The following PHF20L1 variants were observed in gnomAD, a reference collection of about 807,000 sequenced individuals.
PHF20L1 encodes PHD finger protein 20 like 1.
A neutral mutation model predicts 125.5 loss-of-function variants in PHF20L1; 44 were observed. The ratio of observed to expected loss-of-function variants is 0.35; its 90% CI spans 0.28 to 0.45. The LOEUF is 0.45. Among genes scored for constraint, PHF20L1 ranks in the 20% least tolerant of loss-of-function variants. The pLI is 1.00. For missense variants in PHF20L1, 1,012 were observed against 1,217.2 expected (o/e 0.83, Z 2.51); for synonymous variants, 380 against 403.1 (o/e 0.94, Z 0.69).
In PHF20L1 at chr8:132,842,664, C is replaced by T. The variant is rs371809032; in HGVS notation, c.2537C>T (p.Pro846Leu). ...KKYVQNHKEP[P>L]RLPLKMEGTY... ...TATGTACAGAACCATAAAGAACCAC[C>T]TCGTTTGCCCCTAAAAATGGAAGGA... Residue 846 changes from proline (P) to leucine (L), a missense_variant, in exon 19 of 21, where the codon CCT becomes CTT. By Grantham distance (98) the Pro-to-Leu change is moderately conservative. Coordinates refer to ENST00000395386, the MANE Select transcript of PHF20L1 (RefSeq NM_016018.5). The T allele has an allele frequency of 6.2e-7, 1 of 1,613,052 alleles. No homozygotes were observed. The highest frequency in any genetic ancestry group is 8.5e-7 in the Non-Finnish European group (1 of 1,179,572).
In PHF20L1 at chr8:132,832,269, T is replaced by C. The variant is rs1433707419; in HGVS notation, c.1779T>C (p.Phe593=). 6.2e-7 allele frequency: 1 copy of C among 1,603,714 alleles called. No homozygotes were observed. Among genetic ancestry groups the C allele is most frequent in the South Asian group, 1.1e-5 (1 of 90,810 alleles). The part of the protein sequence containing the change: ...YSDYEDSSLE[F]LERCSSPLTR... ...ACTATGAAGACAGTTCCCTCGAATT[T>C]TTGGAAAGGTGCTCTTCTCCACTAA... is the stretch of plus-strand genomic sequence containing the variant. Residue 593 remains phenylalanine, a synonymous_variant, in exon 15 of 21, where the codon TTT becomes TTC. Transcript: ENST00000395386.
chr8:132,785,911 A>G (rs1445671350), intron 2 of PHF20L1, among the ~76,000 whole-genome samples: 1 of 152,116 alleles, frequency 6.6e-6, no homozygotes, highest in Non-Finnish European at 1.5e-5. Context: ...GTGTATCTAC[A>G]AGGCCTTAAC....
At position 132,843,849 on chromosome 8, in the gene PHF20L1, AAATT is replaced by A. The variant is rs529105301; in HGVS notation, c.2749-303_2749-300del. 1.1e-3 allele frequency: 1,106 copies of A among 985,152 alleles called. 1 individual carries two copies. The highest frequency in any genetic ancestry group is 1.4e-3 in the Admixed American group (23 of 16,250). The allele number at this position is 985,152 out of a possible 1,614,324, so 61.0% of individuals were successfully genotyped here. A position where few individuals can be genotyped will look rare whatever the true frequency, so the allele number is the denominator to read the frequency against. ...GATTAATTGAGGAAGAGGCCAGTCT[AAATT>A]AATCAGGAATTCTAATTACACAATA... On this transcript the variant is annotated intron_variant, in intron 19 of 20. Transcript: ENST00000395386.
Position 132,848,426 on chromosome 8 carries a change from A to T in PHF20L1, c.*2503A>T, listed in dbSNP as rs1390089176. The T allele has an allele frequency of 6.6e-6, 1 of 152,552 alleles. No individual in the cohort carries two copies. The highest frequency in any genetic ancestry group is 1.5e-5 in the Non-Finnish European group (1 of 67,972). 9.4% of individuals were successfully genotyped at this position (152,552 alleles called of 1,614,324 possible). A position where few individuals can be genotyped will look rare whatever the true frequency, so the allele number is the denominator to read the frequency against. On this transcript the variant is annotated 3_prime_UTR_variant, in exon 21 of 21. Transcript: ENST00000395386. ...TCTATTGTGAAAAGTTTCAGATGAGATTATTTTCTTTTAGTCTTTTTAAAT... is the reference window on the plus strand; with the variant it reads ...TCTATTGTGAAAAGTTTCAGATGAGTTTATTTTCTTTTAGTCTTTTTAAAT...
intron 2 of PHF20L1, among the ~76,000 whole-genome samples, chr8:132,783,800 T>C (rs1337089052): frequency 6.6e-6 from 1 of 152,202 alleles, no homozygotes; most frequent in Non-Finnish European, 1.5e-5. Flanking sequence ...GTTGTATGTA[T>C]ACATCAAAAT....
At chr8:132,828,225 T>TA (rs1275622763) in intron 14 of PHF20L1, among the ~76,000 whole-genome samples, 1 of 152,024 alleles carries the variant, frequency 6.6e-6, no homozygotes, top group Non-Finnish European at 1.5e-5. Flanking sequence ...TGCTGGTACT[T>TA]ATGTACCCAA....
At chr8:132,781,573 C>T (rs1008624673) in intron 2 of PHF20L1, among the ~76,000 whole-genome samples, 2 of 151,982 alleles carry the variant, frequency 1.3e-5, no homozygotes, top group African/African-American at 2.4e-5. Flanking sequence ...GGACTACAGG[C>T]GCACGCCACC....
intron 6 of PHF20L1, among the ~76,000 whole-genome samples, chr8:132,801,080 T>G (rs1002004869): frequency 7.9e-5 from 12 of 151,702 alleles, no homozygotes; most frequent in African/African-American, 1.2e-4. Context: ...TTGTTCCTTC[T>G]GGTTTTCTAC....
At chr8:132,819,609 A>G (rs919721223) in intron 12 of PHF20L1, among the ~76,000 whole-genome samples, 6 of 151,510 alleles carry the variant, frequency 4.0e-5, no homozygotes, top group Non-Finnish European at 7.4e-5. Context: ...ATTTTGCAGT[A>G]TTTGTTATGC....
At chr8:132,845,164 A>G (rs1277386990) in intron 20 of PHF20L1, among the ~76,000 whole-genome samples, 1 of 152,090 alleles carries the variant, frequency 6.6e-6, no homozygotes, top group Non-Finnish European at 1.5e-5. Flanking sequence ...ATTTCATATT[A>G]TTAGGGTAGA....
At chr8:132,822,520 C>T (rs1314463631) in intron 12 of PHF20L1, among the ~76,000 whole-genome samples, 2 of 152,006 alleles carry the variant, frequency 1.3e-5, no homozygotes, top group Non-Finnish European at 2.9e-5. Context: ...ATTTGGAAAG[C>T]ACATGCCTCA....
At chr8:132,782,398 G>T (rs1488085491) in intron 2 of PHF20L1, among the ~76,000 whole-genome samples, 2 of 152,250 alleles carry the variant, frequency 1.3e-5, no homozygotes, top group East Asian at 3.9e-4. Flanking sequence ...AAGTTCTACA[G>T]ATGGGTACAT....
At chr8:132,840,099 T>A (rs1837778767) in intron 18 of PHF20L1, among the ~76,000 whole-genome samples, 1 of 152,172 alleles carries the variant, frequency 6.6e-6, no homozygotes, top group Non-Finnish European at 1.5e-5. Flanking sequence ...CAGAATATTC[T>A]TGAAGTCCTT....
intron 8 of PHF20L1, chr8:132,808,949 A>C (rs1179706995): frequency 6.6e-6 from 1 of 151,600 alleles, no homozygotes; most frequent in African/African-American, 2.4e-5. Flanking sequence ...GGGCTCAAGC[A>C]ACTCACCCAG....
chr8:132,812,439 C>T, intron 9 of PHF20L1: 1 of 984,956 alleles, frequency 1.0e-6, no homozygotes, highest in Non-Finnish European at 1.2e-6. Flanking sequence ...GTACAGAAAA[C>T]CACGTTTTGA....
intron 8 of PHF20L1, chr8:132,809,514 T>C (rs1834120886): frequency 1.3e-5 from 2 of 152,148 alleles, no homozygotes; most frequent in African/African-American, 4.8e-5. Flanking sequence ...TCACTTAACT[T>C]CTTTAGGGTA....
chr8:132,816,813 C>T (rs1835040422), intron 10 of PHF20L1, 75 bp from the exon 11 acceptor site: 2 of 933,888 alleles, frequency 2.1e-6, no homozygotes, highest in Non-Finnish European at 3.4e-6. Context: ...TCATTTTTTC[C>T]CATTTATCTC....
At chr8:132,829,465 G>T (rs1028738288) in intron 14 of PHF20L1, among the ~76,000 whole-genome samples, 1 of 152,004 alleles carries the variant, frequency 6.6e-6, no homozygotes, top group African/African-American at 2.4e-5. Context: ...TACAGTACCT[G>T]GCATTTAATA....
At chr8:132,810,940 TA>T (rs1834322699) in intron 8 of PHF20L1, 105 bp from the exon 9 acceptor site, 2 of 744,940 alleles carry the variant, frequency 2.7e-6, no homozygotes, top group Non-Finnish European at 4.9e-6. Flanking sequence ...ACTTCCTACG[TA>T]TTAAAAAGTA....
Sources: gnomAD v4.1 joint callset for allele counts (sites outside exome capture counted in the v4.1 genomes callset) on GRCh38, gnomAD v4.1.1 for gene constraint, MANE v1.5 for transcripts, NCBI Gene and HGNC (gene_info 2026-07-23, HGNC 2026-07-21) for gene names.